The following IFITM10 variants were observed in gnomAD, a reference collection of about 807,000 sequenced individuals.
The protein encoded by IFITM10 is interferon induced transmembrane protein 10.
IFITM10 carries 17 observed loss-of-function variants against 19.0 expected under a neutral mutation model. That is an observed-to-expected ratio of 0.90 (90% CI 0.61 to 1.34). IFITM10 has a LOEUF of 1.34. Ranked by LOEUF, IFITM10 falls within the 40% of genes most tolerant of loss-of-function variation. IFITM10 has a pLI of 0.00. For synonymous variants in IFITM10, 148 were observed against 147.2 expected, an observed-to-expected ratio of 1.01 and a Z score of -0.04; for missense variants, 306 against 319.8, an observed-to-expected ratio of 0.96 and a Z score of 0.33.
chr11:1,738,843 G>T (rs1851114239), intron 2 of IFITM10, among the ~76,000 whole-genome samples: 1 of 151,998 alleles, frequency 6.6e-6, no homozygotes, highest in Non-Finnish European at 1.5e-5. Context: ...GGTGGATCAT[G>T]AGGTCAGGAG....
intron 2 of IFITM10, chr11:1,745,774 C>T (rs898878529): frequency 1.3e-5 from 2 of 151,122 alleles, no homozygotes; most frequent in Non-Finnish European, 2.9e-5. Flanking sequence ...TGCGATTACA[C>T]ACACATGCAC....
chr11:1,746,428 A>C, intron 2 of IFITM10: 1 of 397,740 alleles, frequency 2.5e-6, no homozygotes, highest in Non-Finnish European at 4.4e-6. Context: ...CTCACAGTAC[A>C]TGCCCACTTA....
At chr11:1,737,582 T>C (rs1851100584) in intron 2 of IFITM10, among the ~76,000 whole-genome samples, 1 of 152,184 alleles carries the variant, frequency 6.6e-6, no homozygotes, top group Non-Finnish European at 1.5e-5. Flanking sequence ...AATGAATTGA[T>C]GGATGTGAAA....
chr11:1,741,771 C>T (rs918584004), intron 2 of IFITM10, among the ~76,000 whole-genome samples: 1 of 152,116 alleles, frequency 6.6e-6, no homozygotes, highest in African/African-American at 2.4e-5. Context: ...TATGGTTTGA[C>T]TGTTCATGTC....
chr11:1,743,786 G>A (rs1007584635), intron 2 of IFITM10, among the ~76,000 whole-genome samples: 1 of 151,860 alleles, frequency 6.6e-6, no homozygotes, highest in African/African-American at 2.4e-5. Flanking sequence ...CACCACACTG[G>A]GACTTGAACC....
intron 2 of IFITM10, chr11:1,745,044 C>T (rs1271710695): frequency 3.9e-5 from 6 of 152,626 alleles, no homozygotes; most frequent in Admixed American, 3.3e-4. Context: ...CAAAGCCTCT[C>T]TGCCCTGGCT....
chr11:1,745,939 GCACACACATTTATA>G (rs1845639791), intron 2 of IFITM10: 1 of 146,080 alleles, frequency 6.8e-6, no homozygotes, highest in African/African-American at 2.6e-5. Context: ...ACACACTTGT[GCACACACATTTATA>G]CGTGCCATGC....
chr11:1,737,282 T>A (rs1851097534), intron 2 of IFITM10, among the ~76,000 whole-genome samples: 1 of 152,268 alleles, frequency 6.6e-6, no homozygotes. Context: ...TGATTTTGTA[T>A]CCAGCTAAAC....
intron 2 of IFITM10, chr11:1,746,800 C>A (rs967055322): frequency 1.0e-5 from 4 of 398,596 alleles, no homozygotes; most frequent in African/African-American, 2.1e-5. Flanking sequence ...CAAGTCTGGG[C>A]TGGGGAAATG....
chr11:1,741,329 C>T (rs1351442947), intron 2 of IFITM10, among the ~76,000 whole-genome samples: 3 of 151,508 alleles, frequency 2.0e-5, no homozygotes, highest in Non-Finnish European at 4.4e-5. Flanking sequence ...CAAAGGGGCA[C>T]CAGGGTGCTA....
intron 2 of IFITM10, among the ~76,000 whole-genome samples, chr11:1,743,691 C>T (rs1416950674): frequency 6.6e-6 from 1 of 152,154 alleles, no homozygotes; most frequent in Non-Finnish European, 1.5e-5. Context: ...CTCCTGGGCT[C>T]ACATCTAGCA....
At chr11:1,742,641 G>C (rs1199321910) in intron 2 of IFITM10, among the ~76,000 whole-genome samples, 1 of 152,228 alleles carries the variant, frequency 6.6e-6, no homozygotes, top group Non-Finnish European at 1.5e-5. Context: ...TCTATTGACA[G>C]GTAGGGCTTG....
intron 1 of IFITM10, chr11:1,749,004 C>T (rs1200007704): frequency 9.6e-7 from 1 of 1,042,950 alleles, no homozygotes. Flanking sequence ...CCCCGGACGG[C>T]GCCTCCTCAC....
intron 2 of IFITM10, among the ~76,000 whole-genome samples, chr11:1,738,353 T>C (rs901873456): frequency 1.3e-5 from 2 of 151,900 alleles, no homozygotes; most frequent in Non-Finnish European, 2.9e-5. Flanking sequence ...AGCTGAGGAG[T>C]GTACTGGGTG....
intron 1 of IFITM10, among the ~76,000 whole-genome samples, chr11:1,749,411 C>T (rs1845692206): frequency 1.3e-5 from 2 of 151,604 alleles, no homozygotes; most frequent in South Asian, 2.1e-4. Context: ...CCCACTGCGT[C>T]TTCCTCCCCA....
At chr11:1,745,946 C>T (rs1211050664) in intron 2 of IFITM10, 1 of 152,144 alleles carries the variant, frequency 6.6e-6, no homozygotes, top group Non-Finnish European at 1.5e-5. Context: ...TGTGCACACA[C>T]ATTTATACGT....
chr11:1,746,507 C>T (rs537160514), intron 2 of IFITM10: 3 of 398,536 alleles, frequency 7.5e-6, no homozygotes, highest in South Asian at 2.6e-4. Flanking sequence ...TGTGTCAGAG[C>T]CCAGGGATGG....
intron 1 of IFITM10, chr11:1,749,178 C>A (rs963288917): frequency 1.2e-6 from 1 of 808,542 alleles, no homozygotes. Flanking sequence ...GCTGCCTCCC[C>A]CGCCGCCTGC....
intron 2 of IFITM10, among the ~76,000 whole-genome samples, chr11:1,739,950 G>A (rs967862786): frequency 6.6e-5 from 10 of 152,230 alleles, no homozygotes; most frequent in Middle Eastern, 3.4e-3. Flanking sequence ...ATTTAGAGCC[G>A]GAAAGATGAA....
Sources: allele counts gnomAD v4.1 joint callset (sites outside exome capture counted in the v4.1 genomes callset), GRCh38; gene constraint gnomAD v4.1.1; transcripts MANE v1.5; gene names NCBI Gene and HGNC (gene_info 2026-07-23, HGNC 2026-07-21).